The following PTCH1 variants were observed in gnomAD, a reference collection of about 807,000 sequenced individuals.
PTCH1 encodes protein patched homolog 1.
In PTCH1, 14 loss-of-function variants were observed where a neutral mutation model predicts 144.6. That is an observed-to-expected ratio of 0.10 (90% CI 0.06 to 0.15). The LOEUF is 0.15. PTCH1 is among the 10% of genes least tolerant of loss of function. PTCH1 has a pLI of 1.00. For missense variants in PTCH1, 1,623 were observed against 1,948.3 expected (o/e 0.83, Z 3.14); for synonymous variants, 833 against 793.6 (o/e 1.05, Z -0.83).
At chr9:95,513,440 G>A (rs1456857926), upstream of PTCH1, among the ~76,000 whole-genome samples, 2 of 152,114 alleles carry the variant, frequency 1.3e-5, no homozygotes, top group Non-Finnish European at 2.9e-5. Context: ...TTGTTGAGAG[G>A]GTCGGATGGA....
intron 2 of PTCH1, among the ~76,000 whole-genome samples, chr9:95,502,159 C>T (rs1301770131): frequency 6.6e-6 from 1 of 152,216 alleles, no homozygotes; most frequent in Non-Finnish European, 1.5e-5. Context: ...TCCTTCTGCC[C>T]TGAATGCCCC....
At chr9:95,462,315 A>C (rs1388996805) in intron 15 of PTCH1, among the ~76,000 whole-genome samples, 2 of 152,208 alleles carry the variant, frequency 1.3e-5, no homozygotes, top group Non-Finnish European at 2.9e-5. Flanking sequence ...CAAGAGTGCG[A>C]CGGAAAGACA....
chr9:95,453,684 G>C (rs1588529171), intron 19 of PTCH1, 64 bp from the exon 20 acceptor site: 2 of 1,600,052 alleles, frequency 1.2e-6, no homozygotes, highest in East Asian at 2.2e-5. Flanking sequence ...GCTCAGCTCT[G>C]TCCTAAATGT....
chr9:95,471,310 C>T (rs2118137352), intron 12 of PTCH1, among the ~76,000 whole-genome samples: 1 of 152,288 alleles, frequency 6.6e-6, no homozygotes, highest in East Asian at 1.9e-4. Context: ...GGAGAGATGT[C>T]TTCCAATAAT....
chr9:95,490,485 CAAAACAAAACCCAGA>C (rs1172478929), intron 2 of PTCH1, among the ~76,000 whole-genome samples: 2 of 145,716 alleles, frequency 1.4e-5, no homozygotes, highest in Non-Finnish European at 3.0e-5. Context: ...CACTTCAAAA[CAAAACAAAACCCAGA>C]AAAACAAAAC....
intron 2 of PTCH1, chr9:95,494,366 G>A (rs1842653930): frequency 1.0e-6 from 1 of 985,460 alleles, no homozygotes; most frequent in Non-Finnish European, 1.2e-6. Flanking sequence ...ACGAGTTCCC[G>A]AGACGACGCT....
chr9:95,473,447 G>A (rs116506223), intron 12 of PTCH1, among the ~76,000 whole-genome samples: 2,530 of 152,128 alleles, frequency 0.017, 78 homozygotes, highest in African/African-American at 0.058. Context: ...CCAATTTTGA[G>A]GGTCAATACA....
intron 16 of PTCH1, 119 bp from the exon 17 acceptor site, chr9:95,459,902 C>T: frequency 8.9e-7 from 1 of 1,118,748 alleles, no homozygotes; most frequent in Non-Finnish European, 1.3e-6. Flanking sequence ...AGAATGCCTA[C>T]TGTTGAAAGT....
chr9:95,499,615 G>GGGT (rs1375515509), intron 2 of PTCH1, among the ~76,000 whole-genome samples: 1 of 151,772 alleles, frequency 6.6e-6, no homozygotes, highest in Non-Finnish European at 1.5e-5. Flanking sequence ...TATTATGTGG[G>GGGT]GGTGTCTGAC....
chr9:95,486,145 G>A (rs1841950084), intron 2 of PTCH1, among the ~76,000 whole-genome samples: 1 of 149,718 alleles, frequency 6.7e-6, no homozygotes, highest in African/African-American at 2.5e-5. Context: ...GACGAAAGTG[G>A]GGGGCAGAAA....
At chr9:95,453,725 T>G in intron 19 of PTCH1, 105 bp from the exon 20 acceptor site, 2 of 1,471,880 alleles carry the variant, frequency 1.4e-6, no homozygotes, top group Non-Finnish European at 1.9e-6. Context: ...CACATCTTAC[T>G]GTTTTAGTTG....
intron 2 of PTCH1, among the ~76,000 whole-genome samples, chr9:95,492,064 A>G (rs751481105): frequency 1.3e-5 from 2 of 152,178 alleles, no homozygotes; most frequent in Non-Finnish European, 2.9e-5. Flanking sequence ...AACATTCTGA[A>G]AAGCCATCCA....
Position 95,477,589 on chromosome 9 carries a change from C to A in PTCH1, c.1461G>T (p.Leu487=). Residue 487 remains leucine, a synonymous_variant, in exon 10 of 24, where the codon CTG becomes CTT. Coordinates refer to ENST00000331920, the MANE Select transcript of PTCH1 (RefSeq NM_000264.5). ...VALSVAAGLG[L]CSLIGISFNA... ...TAAAGGAAATTCCGATCAATGAGCACAGGCCCAGTCCTGCAGCCACTGACA... is the reference window on the plus strand; with the variant it reads ...TAAAGGAAATTCCGATCAATGAGCAAAGGCCCAGTCCTGCAGCCACTGACA... The A allele has an allele frequency of 6.2e-7, 1 of 1,614,202 alleles. No individual in the cohort carries two copies. The highest frequency in any genetic ancestry group is 1.6e-4 in the Middle Eastern group (1 of 6,062).
At chr9:95,463,011 C>T (rs1588555718) in intron 15 of PTCH1, among the ~76,000 whole-genome samples, 3 of 129,208 alleles carry the variant, frequency 2.3e-5, no homozygotes, top group African/African-American at 5.8e-5. Flanking sequence ...CCCACCCTTG[C>T]CCCTCCCAGC....
chr9:95,459,666 T>A lies in PTCH1; in HGVS notation c.2821A>T (p.Ile941Phe), dbSNP rs1434126591. The change falls in exon 17 of 24, where the codon ATC becomes TTC. Residue 941 changes from isoleucine (I) to phenylalanine (F), a missense_variant. This residue lies in a region of PTCH1 where 504 missense variants were observed against 679.3 expected (regional missense o/e 0.74). Coordinates refer to ENST00000331920, the MANE Select transcript of PTCH1 (RefSeq NM_000264.5). ...ACCCATTCTGGTCGGTGTGGCCGGA[T>A]GTTGGCCTGGGAGGCAGCATACGCG... The part of the protein sequence containing the change: ...PVAYAASQAN[I>F]RPHRPEWVHD... 6.2e-7 allele frequency: 1 copy of A among 1,614,168 alleles called. No individual in the cohort carries two copies. Among genetic ancestry groups the A allele is most frequent in the African/African-American group, 1.3e-5 (1 of 75,048 alleles).
chr9:95,460,482 G>T (rs116872548), intron 16 of PTCH1, among the ~76,000 whole-genome samples: 1 of 152,268 alleles, frequency 6.6e-6, no homozygotes, highest in Non-Finnish European at 1.5e-5. Context: ...TATATACATA[G>T]AAAAATTCCG....
At chr9:95,500,660 C>T (rs1377005829) in intron 2 of PTCH1, among the ~76,000 whole-genome samples, 3 of 152,132 alleles carry the variant, frequency 2.0e-5, no homozygotes, top group African/African-American at 7.2e-5. Context: ...TTCTGCTCCA[C>T]AAGGGCTCCT....
Position 95,460,510 on chromosome 9 carries a change from A to G in PTCH1, c.2704-727T>C, listed in dbSNP as rs60105242. ...AAATTCCGTTTCCTGTTTATTTTAGATTCAGGCCTCATTCCTCGCTTTGGG... is the reference window on the plus strand; with the variant it reads ...AAATTCCGTTTCCTGTTTATTTTAGGTTCAGGCCTCATTCCTCGCTTTGGG... On this transcript the variant is annotated intron_variant, in intron 16 of 23. Coordinates refer to ENST00000331920, the MANE Select transcript of PTCH1 (RefSeq NM_000264.5). Among the ~76,000 whole-genome samples, 527 of 152,206 alleles carry G rather than the reference A, an allele frequency of 3.5e-3. 3 individuals carry two copies. The highest frequency in any genetic ancestry group is 0.012 in the African/African-American group (504 of 41,484).
intron 2 of PTCH1, among the ~76,000 whole-genome samples, chr9:95,490,209 C>T (rs1156374044): frequency 2.0e-5 from 3 of 151,550 alleles, no homozygotes; most frequent in African/African-American, 7.3e-5. Flanking sequence ...CATGGTGGCT[C>T]ATGCCTGTAA....
Sources: allele counts gnomAD v4.1 joint callset (sites outside exome capture counted in the v4.1 genomes callset), GRCh38; gene constraint gnomAD v4.1.1; regional missense constraint gnomAD v4.1.1; transcripts MANE v1.5; gene names NCBI Gene and HGNC (gene_info 2026-07-23, HGNC 2026-07-21).